The following LRRCC1 variants were observed in gnomAD, a reference collection of about 807,000 sequenced individuals.
LRRCC1 encodes the protein leucine rich repeat and coiled-coil centrosomal protein 1.
A neutral mutation model predicts 126.0 loss-of-function variants in LRRCC1; 115 were observed. The ratio of observed to expected loss-of-function variants is 0.91; its 90% CI spans 0.78 to 1.07. The LOEUF (loss-of-function observed/expected upper bound fraction) is 1.07. Ranked by LOEUF, LRRCC1 falls within the 50% of genes least tolerant of loss-of-function variation. The pLI is 0.00. For synonymous variants in LRRCC1, 400 were observed against 393.4 expected, an observed-to-expected ratio of 1.02 and a Z score of -0.20; for missense variants, 1,172 against 1,175.7, an observed-to-expected ratio of 1.00 and a Z score of 0.05.
intron 15 of LRRCC1, 57 bp downstream of exon 15, chr8:85,137,684 G>T (rs571977949): frequency 8.1e-7 from 1 of 1,236,944 alleles, no homozygotes; most frequent in South Asian, 2.4e-5. Flanking sequence ...CAAATCTTTG[G>T]ATCAAAGTAT....
At chr8:85,107,455 C>T in intron 1 of LRRCC1, 56 bp downstream of exon 1, 1 of 1,451,380 alleles carries the variant, frequency 6.9e-7, no homozygotes, top group Non-Finnish European at 9.4e-7. Flanking sequence ...GCCGGGGCCA[C>T]GAGTGGCTGG....
chr8:85,107,970 T>C (rs1808393699), intron 1 of LRRCC1, among the ~76,000 whole-genome samples: 1 of 152,232 alleles, frequency 6.6e-6, no homozygotes, highest in South Asian at 2.1e-4. Context: ...AGTTCATCGT[T>C]TCCCTCTCTC....
At chr8:85,110,350 C>T (rs1435154485) in intron 3 of LRRCC1, among the ~76,000 whole-genome samples, 170 bp downstream of exon 3, 1 of 152,132 alleles carries the variant, frequency 6.6e-6, no homozygotes, top group Non-Finnish European at 1.5e-5. Context: ...GGTACCAAAA[C>T]CACAGCTGAG....
chr8:85,128,266 G>A (rs1810162281), intron 9 of LRRCC1, among the ~76,000 whole-genome samples: 1 of 152,068 alleles, frequency 6.6e-6, no homozygotes, highest in African/African-American at 2.4e-5. Flanking sequence ...CTGTGTCTAG[G>A]GCTGCTAGCC....
chr8:85,118,900 G>GTC (rs1363555467), intron 6 of LRRCC1, among the ~76,000 whole-genome samples: 3 of 151,340 alleles, frequency 2.0e-5, no homozygotes, highest in Admixed American at 2.0e-4. Context: ...CCCTTTCATG[G>GTC]TCATTGTTTT....
At position 85,131,798 on chromosome 8, in the gene LRRCC1, A is replaced by G. The variant is rs770029802; in HGVS notation, c.1805A>G (p.Asp602Gly). 1 of 1,613,668 alleles carries G rather than the reference A, an allele frequency of 6.2e-7. No individual in the cohort carries two copies. Among genetic ancestry groups the G allele is most frequent in the East Asian group, 2.2e-5 (1 of 44,792 alleles). ...ACAAGGGAGTTTTTTACTGATGCTGACTTCCAGGATGCCTTAGCTAAAGAA... is the reference window on the plus strand; with the variant it reads ...ACAAGGGAGTTTTTTACTGATGCTGGCTTCCAGGATGCCTTAGCTAAAGAA... ...LETREFFTDA[D>G]FQDALAKEIA... The change falls in exon 12 of 19, where the codon GAC becomes GGC. Residue 602 changes from aspartate (D) to glycine (G), a missense_variant. Coordinates refer to ENST00000360375, the MANE Select transcript of LRRCC1 (RefSeq NM_033402.5).
In LRRCC1 at chr8:85,136,525, T is replaced by G. The variant is rs1408429038; in HGVS notation, c.2329+562T>G. Among the ~76,000 whole-genome samples, 201 of 152,246 alleles carry G rather than the reference T, an allele frequency of 1.3e-3. 1 individual carries two copies. The highest frequency in any genetic ancestry group is 5.9e-5 in the Non-Finnish European group (4 of 68,018). On this transcript the variant is annotated intron_variant, in intron 14 of 18. Coordinates refer to ENST00000360375, the MANE Select transcript of LRRCC1 (RefSeq NM_033402.5). ...CCTGACCTCAGGTGATCCGCCCACC[T>G]TGGCCTCCCAAAGTGCTGGGATTAC...
rs562996353 is a variant in LRRCC1 at position 85,109,630 on chromosome 8, C to T, written c.140C>T (p.Ala47Val). The T allele has an allele frequency of 9.9e-6, 16 of 1,609,564 alleles. No individual in the cohort carries two copies. In the Admixed American group the frequency reaches 1.2e-4, roughly 12 times the overall value. The change falls in exon 2 of 19, where the codon GCC becomes GTC. Residue 47 changes from alanine to valine, a missense_variant. Coordinates refer to ENST00000360375, the MANE Select transcript of LRRCC1 (RefSeq NM_033402.5). Reference protein sequence around the residue: ...SELSLDSTLHAVNLHCNNISK... With the variant: ...SELSLDSTLHVVNLHCNNISK... Reference sequence around the variant, plus strand: ...TTATCTTTAGATTCAACTCTTCATGCCGTCAATCTTCATTGCAATAACATC... The same window carrying T: ...TTATCTTTAGATTCAACTCTTCATGTCGTCAATCTTCATTGCAATAACATC...
At chr8:85,127,047 G>A (rs1253247859) in intron 9 of LRRCC1, among the ~76,000 whole-genome samples, 1 of 152,140 alleles carries the variant, frequency 6.6e-6, no homozygotes, top group Non-Finnish European at 1.5e-5. Context: ...CCCTCAAGCA[G>A]GAAGGTGTCA....
At chr8:85,126,027 G>T (rs945105342) in intron 8 of LRRCC1, among the ~76,000 whole-genome samples, 6 of 151,590 alleles carry the variant, frequency 4.0e-5, no homozygotes, top group Non-Finnish European at 5.9e-5. Context: ...TTCAACCCCC[G>T]CCCCAAGTTT....
intron 3 of LRRCC1, among the ~76,000 whole-genome samples, chr8:85,111,872 G>T (rs374094076): frequency 0.012 from 1,657 of 139,716 alleles, 34 homozygotes; most frequent in African/African-American, 0.039. Flanking sequence ...AAGGAGTTTT[G>T]TTTTTTTTTT....
At chr8:85,107,867 C>T (rs1808380483) in intron 1 of LRRCC1, 1 of 154,190 alleles carries the variant, frequency 6.5e-6, no homozygotes, top group African/African-American at 2.4e-5. Context: ...TGCCTCAGTT[C>T]TCCTTGTCTG....
At chr8:85,144,474 A>ATATATATT (rs1563963702) in intron 18 of LRRCC1, among the ~76,000 whole-genome samples, 2 of 46,878 alleles carry the variant, frequency 4.3e-5, no homozygotes, top group East Asian at 7.1e-4. Flanking sequence ...ATATATATAT[A>ATATATATT]TTTTTTTTTT....
chr8:85,109,446 T>C (rs1808519013), intron 1 of LRRCC1, 149 bp from the exon 2 acceptor site: 2 of 586,380 alleles, frequency 3.4e-6, no homozygotes, highest in Admixed American at 6.7e-5. Flanking sequence ...CCGTGTTTTG[T>C]GAGACATTTC....
intron 18 of LRRCC1, among the ~76,000 whole-genome samples, chr8:85,143,965 T>C (rs1327712348): frequency 1.3e-5 from 2 of 152,134 alleles, no homozygotes; most frequent in Non-Finnish European, 2.9e-5. Flanking sequence ...GAGATCTATA[T>C]TAGGGTTTAG....
At chr8:85,136,058 ATGCC>A in intron 14 of LRRCC1, 95 bp downstream of exon 14, 1 of 1,077,626 alleles carries the variant, frequency 9.3e-7, no homozygotes, top group African/African-American at 1.6e-5. Flanking sequence ...CTGCCTAAAG[ATGCC>A]AAGAAAAAAG....
chr8:85,123,582 A>G lies in LRRCC1; in HGVS notation c.1100A>G (p.Asn367Ser), dbSNP rs752178917. The change falls in exon 7 of 19, where the codon AAT becomes AGT. Residue 367 changes from asparagine (N) to serine (S), a missense_variant. Asn to Ser is a conservative substitution (Grantham distance 46, BLOSUM62 1). Coordinates refer to ENST00000360375, the MANE Select transcript of LRRCC1 (RefSeq NM_033402.5). ...AKTIQTIKHH[N>S]KNYNSFVSCN... ...ACCATTCAAACTATTAAGCACCACAATAAAAACTACAACTCTTTTGTAAGG... is the reference window on the plus strand; with the variant it reads ...ACCATTCAAACTATTAAGCACCACAGTAAAAACTACAACTCTTTTGTAAGG... 11 of 1,580,996 alleles carry G rather than the reference A, an allele frequency of 7.0e-6. No individual in the cohort carries two copies. The African/African-American group carries it at 1.2e-4, about 18-fold the overall frequency.
chr8:85,115,348 G>T (rs1478198723), intron 5 of LRRCC1, 27 bp from the exon 6 acceptor site: 11 of 1,584,934 alleles, frequency 6.9e-6, no homozygotes, highest in African/African-American at 1.4e-5. Context: ...TAAATTAAAA[G>T]GATTTTGGTT....
Position 85,123,283 on chromosome 8 carries a change from T to C in LRRCC1, c.931-130T>C. 4.8e-6 allele frequency: 3 copies of C among 620,408 alleles called. No homozygotes were observed. In the South Asian group the frequency reaches 7.0e-5, roughly 14 times the overall value. 38.4% of individuals were successfully genotyped at this position (620,408 alleles called of 1,614,324 possible). On this transcript the variant is annotated intron_variant, in intron 6 of 18. Coordinates refer to ENST00000360375, the MANE Select transcript of LRRCC1 (RefSeq NM_033402.5). Reference sequence around the variant, plus strand: ...CATACCAGAAGCTGAATTCCCTGTCTTTAATATCAAACATTTCTAGTTTAT... The same window carrying C: ...CATACCAGAAGCTGAATTCCCTGTCCTTAATATCAAACATTTCTAGTTTAT...
Sources: gnomAD v4.1 joint callset for allele counts (sites outside exome capture counted in the v4.1 genomes callset) on GRCh38, gnomAD v4.1.1 for gene constraint, MANE v1.5 for transcripts, NCBI Gene and HGNC (gene_info 2026-07-23, HGNC 2026-07-21) for gene names.